The following CCDC85C variants were observed in gnomAD, a reference collection of about 807,000 sequenced individuals.
CCDC85C encodes coiled-coil domain-containing protein 85C.
In CCDC85C, 18 loss-of-function variants were observed where a neutral mutation model predicts 38.3. The ratio of observed to expected loss-of-function variants is 0.47; its 90% CI spans 0.33 to 0.70. The LOEUF (loss-of-function observed/expected upper bound fraction) is 0.70. Ranked by LOEUF, CCDC85C falls within the 30% of genes least tolerant of loss-of-function variation. The pLI, the probability that CCDC85C is intolerant of heterozygous loss-of-function variation, is 0.03. For missense variants in CCDC85C, 566 were observed against 621.2 expected, an observed-to-expected ratio of 0.91 and a Z score of 0.94; for synonymous variants, 264 against 293.8, an observed-to-expected ratio of 0.90 and a Z score of 1.04.
chr14:99,508,059 A>T lies in CCDC85C; in HGVS notation c.*7187T>A, dbSNP rs1461379675. 1 of 152,234 alleles carries T rather than the reference A, an allele frequency of 6.6e-6. No individual in the cohort carries two copies. The allele number at this position is 152,234 out of a possible 1,614,324, so 9.4% of individuals were successfully genotyped here. ...GTCAGCAGCTCCTCCAGCCTGCTAC[A>T]CTCACTGTTGGTCGGTGCACGTGGC... On this transcript the variant is annotated 3_prime_UTR_variant, in exon 6 of 6. Coordinates refer to ENST00000380243, the MANE Select transcript of CCDC85C (RefSeq NM_001144995.2).
chr14:99,500,557 C>T lies in CCDC85C; in HGVS notation c.*14689G>A, dbSNP rs1595314325. The T allele has an allele frequency of 5.8e-6, 3 of 521,056 alleles. No individual in the cohort carries two copies. The East Asian group carries it at 1.0e-4, about 18-fold the overall frequency. The allele number at this position is 521,056 out of a possible 1,614,324, so 32.3% of individuals were successfully genotyped here. ...TTCAGTATTTTTTTTTACATTACAC[C>T]TCTGCTTTGTCTTCCTGTTTGAGAT... On this transcript the variant is annotated 3_prime_UTR_variant, in exon 6 of 6. Coordinates refer to ENST00000380243, the MANE Select transcript of CCDC85C (RefSeq NM_001144995.2).
At chr14:99,570,621 G>A (rs1325119855) in intron 1 of CCDC85C, among the ~76,000 whole-genome samples, 1 of 152,194 alleles carries the variant, frequency 6.6e-6, no homozygotes, top group African/African-American at 2.4e-5. Flanking sequence ...AGGCCAGGCA[G>A]GAGACATAAA....
intron 2 of CCDC85C, 87 bp from the exon 3 acceptor site, chr14:99,522,327 G>A: frequency 1.9e-6 from 2 of 1,041,870 alleles, no homozygotes; most frequent in South Asian, 3.0e-5. Context: ...CGGCAGCAGG[G>A]GCTGCTCAAA....
Position 99,568,246 on chromosome 14 carries a change from C to CTTTTTTTTTTTTTTTTTTT in CCDC85C, c.794-32159_794-32158insAAAAAAAAAAAAAAAAAAA, listed in dbSNP as rs776784723. On this transcript the variant is annotated intron_variant, in intron 1 of 5. Coordinates refer to ENST00000380243, the MANE Select transcript of CCDC85C (RefSeq NM_001144995.2). ...AGACACTCTCTGGAGGCCACCTGCC[C>CTTTTTTTTTTTTTTTTTTT]TTTATTTTTTTTTTTTTTTTTTTTG... is the stretch of plus-strand genomic sequence containing the variant. Among the ~76,000 whole-genome samples the CTTTTTTTTTTTTTTTTTTT allele has an allele frequency of 2.6e-5, 3 of 114,488 alleles. 1 individual carries two copies. The highest frequency in any genetic ancestry group is 3.8e-5 in the African/African-American group (1 of 26,376). The allele number at this position is 114,488 out of a possible 152,430, so 75.1% of individuals were successfully genotyped here.
At chr14:99,593,313 G>A (rs926457526) in intron 1 of CCDC85C, among the ~76,000 whole-genome samples, 4 of 152,252 alleles carry the variant, frequency 2.6e-5, no homozygotes, top group Non-Finnish European at 5.9e-5. Context: ...CCTGACAGTG[G>A]ATGGTCTATT....
intron 1 of CCDC85C, among the ~76,000 whole-genome samples, chr14:99,552,471 G>A (rs1897929592): frequency 6.6e-6 from 1 of 152,234 alleles, no homozygotes; most frequent in Non-Finnish European, 1.5e-5. Flanking sequence ...AGTGTGTTGG[G>A]CAGGAGTGTC....
rs548665180 is a variant in CCDC85C at position 99,561,998 on chromosome 14, T to C, written c.794-25910A>G. Among the ~76,000 whole-genome samples the C allele has an allele frequency of 2.2e-3, 329 of 152,270 alleles. 1 individual carries two copies. Among genetic ancestry groups the C allele is most frequent in the Non-Finnish European group, 1.8e-3 (122 of 68,004 alleles). On this transcript the variant is annotated intron_variant, in intron 1 of 5. Transcript: ENST00000380243. ...TGGGCTCCCCACGCGAGGACCTCAG[T>C]GCAGAGCCACTGACTGGAACACCTG...
intron 1 of CCDC85C, among the ~76,000 whole-genome samples, chr14:99,559,290 G>A (rs557998187): frequency 6.6e-6 from 1 of 151,992 alleles, no homozygotes; most frequent in African/African-American, 2.4e-5. Flanking sequence ...AAAAATGTGA[G>A]AGAACAAATT....
chr14:99,563,156 C>T (rs980386887), intron 1 of CCDC85C, among the ~76,000 whole-genome samples: 1 of 152,212 alleles, frequency 6.6e-6, no homozygotes, highest in African/African-American at 2.4e-5. Context: ...ATCCTTTGCC[C>T]CCTCCACTCC....
intron 1 of CCDC85C, among the ~76,000 whole-genome samples, chr14:99,571,424 C>G (rs905524337): frequency 6.6e-6 from 1 of 152,166 alleles, no homozygotes; most frequent in Non-Finnish European, 1.5e-5. Context: ...GACCAAGTGC[C>G]TTTTGGGCGT....
At chr14:99,528,854 G>A (rs1036518561) in intron 2 of CCDC85C, among the ~76,000 whole-genome samples, 1 of 152,096 alleles carries the variant, frequency 6.6e-6, no homozygotes, top group African/African-American at 2.4e-5. Flanking sequence ...ACGAGGGGAG[G>A]GAGAGCATCA....
At position 99,522,114 on chromosome 14, in the gene CCDC85C, T is replaced by C. The variant is rs1168458921; in HGVS notation, c.975+19A>G. ...CCCCTCATCCAGAACATGTGGGCTT[T>C]TTTGGGGTGCACACTCACGTTCTGC... On this transcript the variant is annotated intron_variant, in intron 3 of 5. Transcript: ENST00000380243. 6.5e-7 allele frequency: 1 copy of C among 1,534,582 alleles called. No individual in the cohort carries two copies. The highest frequency in any genetic ancestry group is 2.5e-5 in the East Asian group (1 of 40,802).
intron 1 of CCDC85C, among the ~76,000 whole-genome samples, chr14:99,537,046 G>A (rs1897616637): frequency 6.6e-6 from 1 of 152,136 alleles, no homozygotes; most frequent in African/African-American, 2.4e-5. Context: ...GGAAGGAGGA[G>A]GCAAGGGGGA....
At position 99,516,117 on chromosome 14, in the gene CCDC85C, A is replaced by C; in HGVS notation, c.1170+71T>G. ...AATGGAGTCCCACATGGGGAAGGGT[A>C]TGGCCATGCTGGGTGGCCCTGGTCG... On this transcript the variant is annotated intron_variant, in intron 5 of 5. Transcript: ENST00000380243. The surrounding 1 kb of genome is among the most constrained non-coding windows in gnomAD (Gnocchi z 5.5). The C allele has an allele frequency of 1.2e-5, 13 of 1,112,194 alleles. No individual in the cohort carries two copies. The highest frequency in any genetic ancestry group is 1.7e-5 in the Non-Finnish European group (13 of 750,120). 68.9% of individuals were successfully genotyped at this position (1,112,194 alleles called of 1,614,324 possible). A position where few individuals can be genotyped will look rare whatever the true frequency, so the allele number is the denominator to read the frequency against.
In CCDC85C at chr14:99,506,886, G is replaced by A. The variant is rs1206581736; in HGVS notation, c.*8360C>T. The A allele has an allele frequency of 1.8e-6, 1 of 569,026 alleles. No homozygotes were observed. Among genetic ancestry groups the A allele is most frequent in the Non-Finnish European group, 3.2e-6 (1 of 315,164 alleles). 35.2% of individuals were successfully genotyped at this position (569,026 alleles called of 1,614,324 possible). On this transcript the variant is annotated 3_prime_UTR_variant, in exon 6 of 6. Transcript: ENST00000380243. ...AAGCTCGCAGGTCTTTTGGAGGGAG[G>A]TGGCATTTAATTTGTTAACAGGATT...
chr14:99,509,243 C>G lies in CCDC85C; in HGVS notation c.*6003G>C, dbSNP rs891575762. 6.6e-6 allele frequency: 1 copy of G among 152,290 alleles called. No homozygotes were observed. The highest frequency in any genetic ancestry group is 1.5e-5 in the Non-Finnish European group (1 of 68,078). The allele number at this position is 152,290 out of a possible 1,614,324, so 9.4% of individuals were successfully genotyped here. On this transcript the variant is annotated 3_prime_UTR_variant, in exon 6 of 6. Coordinates refer to ENST00000380243, the MANE Select transcript of CCDC85C (RefSeq NM_001144995.2). ...CAGAAATGTTGCTCCTGTGGTCTGT[C>G]TCCTGGGCTGCCTTGGGAAAGGACA...
intron 1 of CCDC85C, among the ~76,000 whole-genome samples, chr14:99,597,247 T>C (rs1237084357): frequency 6.6e-6 from 1 of 152,166 alleles, no homozygotes; most frequent in African/African-American, 2.4e-5. Flanking sequence ...AGGCAGTAAA[T>C]GCTCAGTGAA....
At chr14:99,602,277 C>G (rs546091448) in intron 1 of CCDC85C, among the ~76,000 whole-genome samples, 52 of 152,342 alleles carry the variant, frequency 3.4e-4, no homozygotes, top group African/African-American at 1.2e-3. Context: ...CAGCCCCAAG[C>G]TGGGGCCACC....
At position 99,558,739 on chromosome 14, in the gene CCDC85C, T is replaced by C. The variant is rs148687484; in HGVS notation, c.794-22651A>G. ...GAAAGAAAGGCAGACATGGGAGAGA[T>C]GAGGCCACAAGCCAAGGAACACCAG... On this transcript the variant is annotated intron_variant, in intron 1 of 5. Coordinates refer to ENST00000380243, the MANE Select transcript of CCDC85C (RefSeq NM_001144995.2). The surrounding 1 kb of genome is among the most constrained non-coding windows in gnomAD (Gnocchi z 4.2). 3.3e-4 allele frequency among the ~76,000 whole-genome samples: 50 copies of C among 152,112 alleles called. No individual in the cohort carries two copies. Among genetic ancestry groups the C allele is most frequent in the African/African-American group, 1.2e-3 (48 of 41,420 alleles).
Sources: allele counts gnomAD v4.1 joint callset (sites outside exome capture counted in the v4.1 genomes callset), GRCh38; gene constraint gnomAD v4.1.1; non-coding constraint Gnocchi (gnomAD v3.1); transcripts MANE v1.5; gene names NCBI Gene and HGNC (gene_info 2026-07-23, HGNC 2026-07-21).